The following MCTP2 variants were observed in gnomAD, a reference collection of about 807,000 sequenced individuals.
MCTP2 encodes the protein multiple C2 and transmembrane domain-containing protein 2.
A neutral mutation model predicts 111.6 loss-of-function variants in MCTP2; 132 were observed. That is an observed-to-expected ratio of 1.18 (90% CI 1.03 to 1.37). MCTP2 has a LOEUF of 1.37. Ranked by LOEUF, MCTP2 falls within the 40% of genes most tolerant of loss-of-function variation. MCTP2 has a pLI of 0.00. For missense variants in MCTP2, 1,183 were observed against 1,067.9 expected, an observed-to-expected ratio of 1.11 and a Z score of -1.50; for synonymous variants, 395 against 387.7, an observed-to-expected ratio of 1.02 and a Z score of -0.22.
At chr15:94,318,970 G>A (rs1382189869) in intron 4 of MCTP2, among the ~76,000 whole-genome samples, 1 of 151,450 alleles carries the variant, frequency 6.6e-6, no homozygotes, top group Non-Finnish European at 1.5e-5. Context: ...ACCTAATAAG[G>A]AGTCTAGGTC....
At chr15:94,285,671 G>T (rs1178678265) in intron 1 of MCTP2, among the ~76,000 whole-genome samples, 1 of 152,166 alleles carries the variant, frequency 6.6e-6, no homozygotes, top group East Asian at 1.9e-4. Flanking sequence ...GTGTCTGAAT[G>T]TTTCCGAAAC....
At position 94,362,110 on chromosome 15, in the gene MCTP2, G is replaced by A. The variant is rs78326407; in HGVS notation, c.1301+3498G>A. ...GTAAGATCAACCATCGCCTGAAACTGTGTTGCCTACCGACTCCAGTGTTTG... is the reference window on the plus strand; with the variant it reads ...GTAAGATCAACCATCGCCTGAAACTATGTTGCCTACCGACTCCAGTGTTTG... On this transcript the variant is annotated intron_variant, in intron 10 of 22. Transcript: ENST00000357742. Among the ~76,000 whole-genome samples the A allele has an allele frequency of 5.7e-3, 862 of 152,242 alleles. 7 individuals are homozygous for A. The highest frequency in any genetic ancestry group is 0.02 in the African/African-American group (840 of 41,528).
chr15:94,238,536 A>G (rs1296515704), intron 1 of MCTP2, among the ~76,000 whole-genome samples: 3 of 152,236 alleles, frequency 2.0e-5, no homozygotes, highest in Admixed American at 1.3e-4. Context: ...TCTTTTATCC[A>G]AAAACTATTC....
intron 1 of MCTP2, among the ~76,000 whole-genome samples, chr15:94,257,566 GTTGTTT>G (rs2072870727): frequency 2.7e-5 from 2 of 73,004 alleles, no homozygotes; most frequent in African/African-American, 1.0e-4. Context: ...CATTTTCTTT[GTTGTTT>G]TTTTTTTTTT....
intron 1 of MCTP2, among the ~76,000 whole-genome samples, chr15:94,244,777 TAC>T (rs2071629175): frequency 6.7e-6 from 1 of 149,224 alleles, no homozygotes; most frequent in East Asian, 2.0e-4. Context: ...CGTATATGTA[TAC>T]ACATACATAT....
intron 1 of MCTP2, among the ~76,000 whole-genome samples, chr15:94,284,700 C>G (rs72767420): frequency 0.063 from 9,625 of 152,224 alleles, 366 homozygotes; most frequent in South Asian, 0.16. Flanking sequence ...GTGGGAAAGT[C>G]TTCACAGAGA....
chr15:94,432,054 T>A (rs1474188639), intron 17 of MCTP2, among the ~76,000 whole-genome samples: 1 of 152,164 alleles, frequency 6.6e-6, no homozygotes, highest in Admixed American at 6.5e-5. Flanking sequence ...TAAGTATTCA[T>A]ACAAAATCAT....
At chr15:94,358,703 C>G in intron 10 of MCTP2, 91 bp downstream of exon 10, 3 of 1,467,128 alleles carry the variant, frequency 2.0e-6, no homozygotes, top group Non-Finnish European at 2.8e-6. Context: ...GCTGAGGGCA[C>G]TACCTTGCAT....
chr15:94,285,555 A>G (rs946441548), intron 1 of MCTP2, among the ~76,000 whole-genome samples: 6 of 152,136 alleles, frequency 3.9e-5, no homozygotes, highest in Admixed American at 1.3e-4. Context: ...GTTAGGGTTC[A>G]CTTAAAAGTC....
At chr15:94,287,633 A>G (rs2074823805) in intron 1 of MCTP2, among the ~76,000 whole-genome samples, 1 of 152,248 alleles carries the variant, frequency 6.6e-6, no homozygotes, top group Non-Finnish European at 1.5e-5. Flanking sequence ...CTGAACACAA[A>G]TATGAAATAT....
intron 11 of MCTP2, among the ~76,000 whole-genome samples, chr15:94,369,024 T>C (rs2079348953): frequency 6.6e-6 from 1 of 152,190 alleles, no homozygotes. Flanking sequence ...CCTGGATTTG[T>C]TTTTTAAGTT....
intron 1 of MCTP2, among the ~76,000 whole-genome samples, chr15:94,245,702 A>ATGTG (rs1375033847): frequency 9.1e-4 from 130 of 142,100 alleles, no homozygotes; most frequent in African/African-American, 3.2e-3. Flanking sequence ...ATATAAATAT[A>ATGTG]TGTGTGTGTG....
chr15:94,354,978 C>T (rs2078535795), intron 8 of MCTP2, among the ~76,000 whole-genome samples: 1 of 152,158 alleles, frequency 6.6e-6, no homozygotes, highest in Admixed American at 6.5e-5. Flanking sequence ...TTCTTCAGCC[C>T]ATTTATTTCT....
chr15:94,339,151 G>A (rs757837616), intron 4 of MCTP2, 139 bp from the exon 5 acceptor site: 3 of 552,912 alleles, frequency 5.4e-6, no homozygotes, highest in African/African-American at 1.9e-5. Context: ...ATATCTCCCT[G>A]TCTTCCATCT....
chr15:94,389,290 G>T (rs1367021793), intron 14 of MCTP2, among the ~76,000 whole-genome samples: 1 of 152,082 alleles, frequency 6.6e-6, no homozygotes, highest in Non-Finnish European at 1.5e-5. Flanking sequence ...TGGGAATGAG[G>T]AGGGGCCTGG....
chr15:94,375,347 G>T (rs954405654), intron 12 of MCTP2, among the ~76,000 whole-genome samples: 1 of 152,086 alleles, frequency 6.6e-6, no homozygotes, highest in African/African-American at 2.4e-5. Flanking sequence ...ATTTGGGTAG[G>T]GACATAGATC....
chr15:94,407,586 AC>A (rs2081962798), intron 17 of MCTP2, among the ~76,000 whole-genome samples: 1 of 152,240 alleles, frequency 6.6e-6, no homozygotes, highest in African/African-American at 2.4e-5. Flanking sequence ...GCATCAATCA[AC>A]CTCTCCCTCA....
intron 4 of MCTP2, among the ~76,000 whole-genome samples, chr15:94,338,995 T>G (rs1350200386): frequency 1.3e-5 from 2 of 152,228 alleles, no homozygotes; most frequent in Non-Finnish European, 2.9e-5. Context: ...CCTGTTAGCT[T>G]GTGCTGGTAG....
At chr15:94,325,374 C>A (rs529581860) in intron 4 of MCTP2, among the ~76,000 whole-genome samples, 1 of 152,150 alleles carries the variant, frequency 6.6e-6, no homozygotes, top group Non-Finnish European at 1.5e-5. Flanking sequence ...TATAGTTATT[C>A]TAGTTTGGGT....
Sources: gnomAD v4.1 joint callset for allele counts (sites outside exome capture counted in the v4.1 genomes callset) on GRCh38, gnomAD v4.1.1 for gene constraint, MANE v1.5 for transcripts, NCBI Gene and HGNC (gene_info 2026-07-23, HGNC 2026-07-21) for gene names.